Variants in ERC1 observed in about 807,000 individuals in gnomAD.
ERC1 encodes the protein RAB6 interacting protein 2.
A neutral mutation model predicts 132.0 loss-of-function variants in ERC1; 56 were observed. The observed-to-expected ratio is 0.42, with a 90% CI of 0.34 to 0.53. The LOEUF is 0.53. ERC1 is among the 20% of genes least tolerant of loss of function. The pLI is 0.03. For missense variants in ERC1, 1,202 were observed against 1,349.9 expected, an observed-to-expected ratio of 0.89 and a Z score of 1.72; for synonymous variants, 478 against 476.1, an observed-to-expected ratio of 1.00 and a Z score of -0.05.
chr12:992,881 T>C (rs556371387), intron 1 of ERC1, among the ~76,000 whole-genome samples: 1 of 152,336 alleles, frequency 6.6e-6, no homozygotes, highest in South Asian at 2.1e-4. Context: ...AGAGAAGCTG[T>C]CAGAAAGTGG....
intron 3 of ERC1, among the ~76,000 whole-genome samples, chr12:1,092,294 G>T (rs1257174613): frequency 6.6e-6 from 1 of 152,162 alleles, no homozygotes; most frequent in Admixed American, 6.5e-5. Flanking sequence ...ACCGCGCCCG[G>T]CCCACATTTA....
chr12:1,484,295 C>A (rs2094162929), intron 18 of ERC1, among the ~76,000 whole-genome samples: 1 of 150,654 alleles, frequency 6.6e-6, no homozygotes, highest in African/African-American at 2.5e-5. Flanking sequence ...CAGAGCGAGA[C>A]TCCGTCTCAA....
chr12:1,114,064 G>A (rs1040518247), intron 6 of ERC1, among the ~76,000 whole-genome samples: 3 of 151,140 alleles, frequency 2.0e-5, no homozygotes, highest in East Asian at 3.9e-4. Context: ...TTTCTCTGTC[G>A]CCAGGCTGGA....
chr12:1,262,637 G>A (rs2077213131), intron 13 of ERC1, among the ~76,000 whole-genome samples: 1 of 152,206 alleles, frequency 6.6e-6, no homozygotes, highest in Admixed American at 6.5e-5. Flanking sequence ...TTAACTGCAG[G>A]GAAAGAGTGT....
intron 17 of ERC1, among the ~76,000 whole-genome samples, chr12:1,417,545 C>T (rs1372938906): frequency 1.3e-5 from 2 of 151,728 alleles, no homozygotes; most frequent in African/African-American, 2.4e-5. Context: ...TTTGGGAGAC[C>T]CAGGCGGGCA....
intron 8 of ERC1, among the ~76,000 whole-genome samples, chr12:1,162,316 A>G (rs1160527443): frequency 6.6e-6 from 1 of 152,202 alleles, no homozygotes; most frequent in Non-Finnish European, 1.5e-5. Flanking sequence ...TTTGAATCTG[A>G]GCTGCATTCA....
intron 2 of ERC1, among the ~76,000 whole-genome samples, chr12:1,056,205 T>C (rs75126354): frequency 0.024 from 3,655 of 151,884 alleles, 146 homozygotes; most frequent in African/African-American, 0.083. Flanking sequence ...AATTCCTTTT[T>C]CCCCCGTAAT....
chr12:1,261,627 A>G (rs1379701238), intron 13 of ERC1, among the ~76,000 whole-genome samples: 1 of 152,186 alleles, frequency 6.6e-6, no homozygotes. Context: ...TGGCAAGTCA[A>G]CAGAGGGAAG....
intron 16 of ERC1, among the ~76,000 whole-genome samples, chr12:1,372,952 T>C (rs2087423495): frequency 6.6e-6 from 1 of 152,254 alleles, no homozygotes; most frequent in Admixed American, 6.5e-5. Context: ...GTGGATCAAA[T>C]TAAAACTGCT....
chr12:1,127,245 C>T (rs10773931), intron 7 of ERC1, among the ~76,000 whole-genome samples: 93,402 of 151,984 alleles, frequency 0.61, 31,006 homozygotes, highest in East Asian at 0.87. Flanking sequence ...AACAGTAACA[C>T]AAATGACGTA....
intron 15 of ERC1, among the ~76,000 whole-genome samples, chr12:1,350,766 TTTAGCTC>T (rs2084923374): frequency 6.6e-6 from 1 of 152,226 alleles, no homozygotes; most frequent in Admixed American, 6.5e-5. Context: ...ACAAGGTTTA[TTTAGCTC>T]ATGGTTCTGT....
intron 14 of ERC1, among the ~76,000 whole-genome samples, chr12:1,276,122 C>G (rs1053755752): frequency 6.6e-6 from 1 of 152,200 alleles, no homozygotes; most frequent in Non-Finnish European, 1.5e-5. Flanking sequence ...GAAGCAATCT[C>G]TTCAACCTTA....
intron 18 of ERC1, among the ~76,000 whole-genome samples, chr12:1,451,124 T>G (rs974485645): frequency 6.6e-6 from 1 of 152,220 alleles, no homozygotes; most frequent in South Asian, 2.1e-4. Context: ...ACTGTTACTG[T>G]GGTAATAGTG....
chr12:1,415,435 A>T (rs1174623219), intron 17 of ERC1, among the ~76,000 whole-genome samples: 1 of 152,252 alleles, frequency 6.6e-6, no homozygotes, highest in Non-Finnish European at 1.5e-5. Flanking sequence ...ATTAGAGATG[A>T]TGTAAATATT....
chr12:1,236,594 A>G (rs1312057164), intron 12 of ERC1, among the ~76,000 whole-genome samples, 175 bp from the exon 13 acceptor site: 2 of 152,202 alleles, frequency 1.3e-5, no homozygotes, highest in African/African-American at 2.4e-5. Context: ...ATTTTTGTAA[A>G]CGAATGTGCT....
intron 2 of ERC1, among the ~76,000 whole-genome samples, chr12:1,056,326 A>G (rs1415777707): frequency 6.6e-6 from 1 of 152,154 alleles, no homozygotes; most frequent in Non-Finnish European, 1.5e-5. Flanking sequence ...GATACCCAAG[A>G]TTTGTTGTCT....
chr12:1,175,943 C>G (rs1345033706), intron 8 of ERC1, among the ~76,000 whole-genome samples: 1 of 152,190 alleles, frequency 6.6e-6, no homozygotes, highest in Non-Finnish European at 1.5e-5. Flanking sequence ...ACTACTTCTG[C>G]TGAAGTCTTG....
intron 1 of ERC1, among the ~76,000 whole-genome samples, chr12:1,026,140 A>T (rs1966871837): frequency 6.6e-6 from 1 of 151,984 alleles, no homozygotes; most frequent in Non-Finnish European, 1.5e-5. Context: ...GGCTGGGGAG[A>T]CCTCACAATC....
chr12:1,400,821 G>A (rs1368865811), intron 16 of ERC1, among the ~76,000 whole-genome samples: 2 of 149,140 alleles, frequency 1.3e-5, no homozygotes, highest in African/African-American at 2.5e-5. Context: ...ACACACTGTA[G>A]GTAAACCTAC....
Sources: gnomAD v4.1 joint callset for allele counts (sites outside exome capture counted in the v4.1 genomes callset) on GRCh38, gnomAD v4.1.1 for gene constraint, MANE v1.5 for transcripts, NCBI Gene and HGNC (gene_info 2026-07-23, HGNC 2026-07-21) for gene names.